The following LRP1B variants were observed in gnomAD, a reference collection of about 807,000 sequenced individuals.
LRP1B encodes LDL receptor related protein 1B.
In LRP1B, 217 loss-of-function variants were observed where a neutral mutation model predicts 556.6. The observed-to-expected ratio is 0.39, with a 90% CI of 0.35 to 0.44. The LOEUF (loss-of-function observed/expected upper bound fraction) is 0.44, where lower values mean the gene tolerates loss of function less well. Among genes scored for constraint, LRP1B ranks in the 20% least tolerant of loss-of-function variants. The probability of loss-of-function intolerance (pLI) is 1.00; values close to 1 mark genes in which losing one functional copy is unlikely to be tolerated. For synonymous variants in LRP1B, 2,047 were observed against 1,865.8 expected, an observed-to-expected ratio of 1.10 and a Z score of -2.50; for missense variants, 5,053 against 5,620.8, an observed-to-expected ratio of 0.90 and a Z score of 3.23.
At chr2:141,500,107 GA>G (rs1158881738) in intron 2 of LRP1B, among the ~76,000 whole-genome samples, 23 of 152,066 alleles carry the variant, frequency 1.5e-4, no homozygotes, top group African/African-American at 5.6e-4. Flanking sequence ...GGAAGAGGGG[GA>G]TGTCTTACTG....
At chr2:140,433,575 G>C (rs1328780615) in intron 66 of LRP1B, among the ~76,000 whole-genome samples, 2 of 152,072 alleles carry the variant, frequency 1.3e-5, no homozygotes, top group Non-Finnish European at 2.9e-5. Context: ...AAAACAATAT[G>C]CATTAACTTT....
At chr2:142,050,046 A>G (rs958881263) in intron 1 of LRP1B, among the ~76,000 whole-genome samples, 5 of 152,170 alleles carry the variant, frequency 3.3e-5, no homozygotes, top group Non-Finnish European at 7.4e-5. Flanking sequence ...CAATTTGGAC[A>G]CTAAGCTTTC....
At position 140,907,892 on chromosome 2, in the gene LRP1B, C is replaced by T. The variant is rs2105231618; in HGVS notation, c.3505G>A (p.Glu1169Lys). 1 of 1,613,432 alleles carries T rather than the reference C, an allele frequency of 6.2e-7. No individual in the cohort carries two copies. The highest frequency in any genetic ancestry group is 8.5e-7 in the Non-Finnish European group (1 of 1,179,546). ...GKKDCPDGSD[E>K]GYLCDECSLN... ...CATGCAATACCACAGAGATAGCCTTCATCAGAGCCATCAGGACAATCCTTT... is the reference window on the plus strand; with the variant it reads ...CATGCAATACCACAGAGATAGCCTTTATCAGAGCCATCAGGACAATCCTTT... The change falls in exon 22 of 91, where the codon GAA becomes AAA. Residue 1169 changes from glutamate (E) to lysine (K), a missense_variant. Coordinates refer to ENST00000389484, the MANE Select transcript of LRP1B (RefSeq NM_018557.3).
chr2:141,333,270 T>C (rs1357027), intron 3 of LRP1B, among the ~76,000 whole-genome samples: 89,172 of 151,466 alleles, frequency 0.59, 27,277 homozygotes, highest in African/African-American at 0.71. Flanking sequence ...AGAAATATTT[T>C]ATCCTTCTAA....
intron 83 of LRP1B, among the ~76,000 whole-genome samples, chr2:140,310,813 A>AAAAACTTTCC (rs1305222212): frequency 6.6e-6 from 1 of 152,012 alleles, no homozygotes; most frequent in African/African-American, 2.4e-5. Flanking sequence ...AAAACCTAGG[A>AAAAACTTTCC]AAAACTTTCC....
At chr2:141,826,720 T>C (rs1418319323) in intron 1 of LRP1B, among the ~76,000 whole-genome samples, 1 of 152,172 alleles carries the variant, frequency 6.6e-6, no homozygotes, top group Admixed American at 6.5e-5. Context: ...GAAAGTAATC[T>C]TCAGTCAGTT....
At chr2:141,463,699 A>G (rs1439452240) in intron 3 of LRP1B, among the ~76,000 whole-genome samples, 1 of 142,828 alleles carries the variant, frequency 7.0e-6, no homozygotes, top group African/African-American at 2.6e-5. Flanking sequence ...TATCTATACA[A>G]TAATGAGAAC....
intron 1 of LRP1B, among the ~76,000 whole-genome samples, chr2:141,940,192 G>A (rs1221128541): frequency 1.3e-5 from 2 of 152,030 alleles, no homozygotes; most frequent in African/African-American, 4.8e-5. Flanking sequence ...ACAGAGGATG[G>A]GATGAGGAAG....
intron 1 of LRP1B, among the ~76,000 whole-genome samples, chr2:142,120,309 A>G (rs550608676): frequency 3.4e-4 from 51 of 152,174 alleles, no homozygotes; most frequent in Non-Finnish European, 5.9e-5. Context: ...ACAGGGTTTC[A>G]CCATGTTGGC....
At chr2:141,307,897 G>A (rs780476226) in intron 3 of LRP1B, among the ~76,000 whole-genome samples, 26 of 152,184 alleles carry the variant, frequency 1.7e-4, no homozygotes, top group Non-Finnish European at 2.8e-4. Context: ...ACGGGTGATG[G>A]CAGTACCAGT....
intron 6 of LRP1B, among the ~76,000 whole-genome samples, chr2:141,192,358 G>T (rs1250028291): frequency 7.2e-5 from 11 of 151,848 alleles, no homozygotes; most frequent in Admixed American, 7.2e-4. Flanking sequence ...CCTGTCTTCA[G>T]AAATCAGAAA....
At chr2:141,283,917 T>G (rs980610602) in intron 3 of LRP1B, among the ~76,000 whole-genome samples, 3 of 152,104 alleles carry the variant, frequency 2.0e-5, no homozygotes, top group Non-Finnish European at 4.4e-5. Flanking sequence ...TTTTAGATAA[T>G]AAAAAATTAT....
chr2:140,831,745 T>C (rs1691724443), intron 31 of LRP1B, among the ~76,000 whole-genome samples: 1 of 152,078 alleles, frequency 6.6e-6, no homozygotes. Context: ...ATCTACAGAA[T>C]GGAAGAAAAT....
At chr2:141,187,968 T>C (rs1490967486) in intron 7 of LRP1B, among the ~76,000 whole-genome samples, 1 of 152,024 alleles carries the variant, frequency 6.6e-6, no homozygotes, top group Non-Finnish European at 1.5e-5. Flanking sequence ...GTTTTACTAG[T>C]ATCTGGGTAA....
intron 7 of LRP1B, among the ~76,000 whole-genome samples, chr2:141,099,527 G>C (rs1337733389): frequency 6.6e-6 from 1 of 152,178 alleles, no homozygotes; most frequent in Admixed American, 6.5e-5. Flanking sequence ...GCATGTATGA[G>C]TGCATACACA....
intron 31 of LRP1B, among the ~76,000 whole-genome samples, chr2:140,827,574 A>G (rs148533009): frequency 6.6e-6 from 1 of 152,142 alleles, no homozygotes; most frequent in East Asian, 1.9e-4. Context: ...GTAAAAGGAT[A>G]AAAAAGAAAA....
intron 47 of LRP1B, among the ~76,000 whole-genome samples, chr2:140,531,993 C>T (rs1208201940): frequency 6.6e-6 from 1 of 152,092 alleles, no homozygotes; most frequent in Non-Finnish European, 1.5e-5. Flanking sequence ...GCAATCATTA[C>T]TCCACACTTC....
At chr2:141,145,918 C>A (rs369590896) in intron 7 of LRP1B, among the ~76,000 whole-genome samples, 26 of 110,168 alleles carry the variant, frequency 2.4e-4, no homozygotes, top group African/African-American at 8.9e-4. Flanking sequence ...TTCTTTCTTT[C>A]TTTCTTTTTT....
chr2:140,698,536 T>A (rs1400226577), intron 41 of LRP1B, among the ~76,000 whole-genome samples: 1 of 152,090 alleles, frequency 6.6e-6, no homozygotes, highest in African/African-American at 2.4e-5. Flanking sequence ...TCCATCTTAC[T>A]AAAAGACAGC....
Sources: allele counts gnomAD v4.1 joint callset (sites outside exome capture counted in the v4.1 genomes callset), GRCh38; gene constraint gnomAD v4.1.1; transcripts MANE v1.5; gene names NCBI Gene and HGNC (gene_info 2026-07-23, HGNC 2026-07-21).